RBFOX3: variants seen among roughly 807,000 people sequenced by gnomAD.
The protein encoded by RBFOX3 is RNA binding protein fox-1 homolog 3.
Under a neutral mutation model 48.7 loss-of-function variants are expected in RBFOX3, and 17 were observed. The observed-to-expected ratio is 0.35, with a 90% CI of 0.24 to 0.52. The LOEUF is 0.52. Ranked by LOEUF, RBFOX3 falls within the 20% of genes least tolerant of loss-of-function variation. The probability of loss-of-function intolerance (pLI) is 0.94; values close to 1 mark genes in which losing one functional copy is unlikely to be tolerated. For missense variants in RBFOX3, 382 were observed against 497.5 expected (o/e 0.77, Z 2.21); for synonymous variants, 212 against 209.5 (o/e 1.01, Z -0.10).
the RBFOX3 span, among the ~76,000 whole-genome samples, chr17:79,647,624 C>A: frequency 3.9e-5 from 6 of 152,196 alleles, no homozygotes; most frequent in Non-Finnish European, 8.8e-5. Context: ...CATCCCACAT[C>A]TGTGGGAGCA....
intron 2 of RBFOX3, among the ~76,000 whole-genome samples, chr17:79,445,536 C>T (rs2072069806): frequency 6.6e-6 from 1 of 152,180 alleles, no homozygotes; most frequent in Admixed American, 6.5e-5. Context: ...ATCTTCAAGA[C>T]AAGCCCACTT....
At chr17:79,552,852 GACATGCAT>G (rs1449360433) in intron 1 of RBFOX3, among the ~76,000 whole-genome samples, 1 of 152,154 alleles carries the variant, frequency 6.6e-6, no homozygotes, top group Non-Finnish European at 1.5e-5. Context: ...TATACATATG[GACATGCAT>G]ACATGCATAC....
At chr17:79,383,723 G>C (rs1410254720) in intron 2 of RBFOX3, among the ~76,000 whole-genome samples, 1 of 152,154 alleles carries the variant, frequency 6.6e-6, no homozygotes, top group East Asian at 1.9e-4. Context: ...GAGCTTGGTG[G>C]GTGAGGATCA....
intron 4 of RBFOX3, among the ~76,000 whole-genome samples, chr17:79,177,136 G>A (rs1044337531): frequency 4.6e-5 from 7 of 152,110 alleles, no homozygotes. Flanking sequence ...GGCCTAGCCT[G>A]GGCTGAGCTG....
At chr17:79,586,722 A>C (rs2093261763) in intron 1 of RBFOX3, among the ~76,000 whole-genome samples, 2 of 152,200 alleles carry the variant, frequency 1.3e-5, no homozygotes, top group Non-Finnish European at 2.9e-5. Context: ...ATGTCCCTGC[A>C]GAGTTCTCAG....
intron 4 of RBFOX3, among the ~76,000 whole-genome samples, chr17:79,181,175 A>C (rs2051837512): frequency 6.6e-6 from 1 of 152,190 alleles, no homozygotes; most frequent in African/African-American, 2.4e-5. Flanking sequence ...TGAGGTTCAG[A>C]GTGGTGATAA....
chr17:79,512,411 G>T (rs1350321984), intron 1 of RBFOX3, among the ~76,000 whole-genome samples: 1 of 120,836 alleles, frequency 8.3e-6, no homozygotes, highest in African/African-American at 3.3e-5. Context: ...CATAGCCAGG[G>T]GACGCACACC....
At chr17:79,308,945 C>T (rs1167341776) in intron 2 of RBFOX3, among the ~76,000 whole-genome samples, 8 of 151,950 alleles carry the variant, frequency 5.3e-5, no homozygotes, top group Admixed American at 1.3e-4. Context: ...ATGGTGAAAC[C>T]CCATCTCTAC....
Position 79,273,147 on chromosome 17 carries a change from G to A in RBFOX3, c.-74+34577C>T, listed in dbSNP as rs553517770. 2.6e-5 allele frequency among the ~76,000 whole-genome samples: 4 copies of A among 152,012 alleles called. No homozygotes were observed. The South Asian group carries it at 8.3e-4, about 32-fold the overall frequency. The stretch of plus-strand genomic sequence containing the variant: ...CGGAATCTAGCCACCTGGTGGACGG[G>A]TGGCACTGCCCTGCCTGTGCCAGCA... On this transcript the variant is annotated intron_variant, in intron 3 of 14. Transcript: ENST00000693108.
At chr17:79,097,548 G>A in intron 10 of RBFOX3, 124 bp from the exon 11 acceptor site, 4 of 1,089,960 alleles carry the variant, frequency 3.7e-6, no homozygotes, top group Non-Finnish European at 4.6e-6. Context: ...CCCGCCCCCG[G>A]AGCGCTACTC....
chr17:79,393,421 C>T (rs759828284), intron 2 of RBFOX3, among the ~76,000 whole-genome samples: 4 of 152,236 alleles, frequency 2.6e-5, no homozygotes, highest in Non-Finnish European at 4.4e-5. Flanking sequence ...AGTGAGCAGC[C>T]GCAGGGAAAC....
At chr17:79,275,071 C>G (rs1003106842) in intron 3 of RBFOX3, among the ~76,000 whole-genome samples, 1 of 150,576 alleles carries the variant, frequency 6.6e-6, no homozygotes, top group Non-Finnish European at 1.5e-5. Context: ...CCCGGCCTTC[C>G]TGAGCCAGCC....
chr17:79,385,422 C>T (rs530641281), intron 2 of RBFOX3, among the ~76,000 whole-genome samples: 39 of 152,242 alleles, frequency 2.6e-4, no homozygotes, highest in Non-Finnish European at 4.4e-4. Context: ...CATCATCCAT[C>T]GAGGGTGCAG....
intron 2 of RBFOX3, among the ~76,000 whole-genome samples, chr17:79,384,417 G>A (rs1056782473): frequency 3.9e-5 from 6 of 152,112 alleles, no homozygotes; most frequent in Non-Finnish European, 7.4e-5. Context: ...CACCTCCCTG[G>A]GAGTACATTT....
At chr17:79,341,537 AGCTGAGGCTAGGCAGCATGGCTGGG>A (rs1247094786) in intron 2 of RBFOX3, among the ~76,000 whole-genome samples, 5 of 151,708 alleles carry the variant, frequency 3.3e-5, no homozygotes, top group African/African-American at 1.2e-4. Context: ...AAGCCAGGGG[AGCTGAGGCTAGGCAGCATGGCTGGG>A]GCTGGGGCAC....
rs886999334 is a variant in RBFOX3, at chr17:79,531,837, C to T, written c.-319-49239G>A. 5.3e-5 allele frequency among the ~76,000 whole-genome samples: 8 copies of T among 152,338 alleles called. No homozygotes were observed. In the East Asian group the frequency reaches 5.8e-4, roughly 11 times the overall value. ...CCAGGCAATTTGTGCAAATCAATCA[C>T]GTTCTCCGTGACTCACCTTCATCTG... On this transcript the variant is annotated intron_variant, in intron 1 of 14. Coordinates refer to ENST00000693108, the MANE Select transcript of RBFOX3 (RefSeq NM_001350451.2).
At position 79,094,543 on chromosome 17, in the gene RBFOX3, TGGGAGG is replaced by T; in HGVS notation, c.999-20_999-15del. 2.1e-5 allele frequency: 7 copies of T among 327,756 alleles called. No homozygotes were observed. The highest frequency in any genetic ancestry group is 2.2e-5 in the Non-Finnish European group (6 of 267,372). 20.3% of individuals were successfully genotyped at this position (327,756 alleles called of 1,614,324 possible). A position where few individuals can be genotyped will look rare whatever the true frequency, so the allele number is the denominator to read the frequency against. ...ACTCTGCCGTAACTAGGGAAGAGCG[TGGGAGG>T]GGGAGTGGGAGGAGGGTGGGGGAGG... is the stretch of plus-strand genomic sequence containing the variant. On this transcript the variant is annotated splice_polypyrimidine_tract_variant and intron_variant, in intron 13 of 14. Transcript: ENST00000693108.
At chr17:79,093,363 T>TA (rs2074366947) in intron 14 of RBFOX3, among the ~76,000 whole-genome samples, 1 of 151,314 alleles carries the variant, frequency 6.6e-6, no homozygotes, top group African/African-American at 2.4e-5. Context: ...ATCTTAAAAA[T>TA]ACAAAGTGAA....
intron 4 of RBFOX3, among the ~76,000 whole-genome samples, chr17:79,129,816 A>G (rs1263848310): frequency 1.3e-5 from 2 of 152,366 alleles, no homozygotes; most frequent in East Asian, 3.9e-4. Context: ...GCAGCTGGGA[A>G]GAGATACTTA....
Sources: gnomAD v4.1 joint callset for allele counts (sites outside exome capture counted in the v4.1 genomes callset) on GRCh38, gnomAD v4.1.1 for gene constraint, MANE v1.5 for transcripts, NCBI Gene and HGNC (gene_info 2026-07-23, HGNC 2026-07-21) for gene names.